Variants in PEAK1 observed in about 807,000 individuals in gnomAD.
The protein encoded by PEAK1 is pseudopodium enriched atypical kinase 1.
PEAK1 carries 54 observed loss-of-function variants against 124.7 expected under a neutral mutation model. That is an observed-to-expected ratio of 0.43 (90% CI 0.35 to 0.54). The LOEUF (loss-of-function observed/expected upper bound fraction) is 0.54, where lower values mean the gene tolerates loss of function less well. Ranked by LOEUF, PEAK1 falls within the 20% of genes least tolerant of loss-of-function variation. The pLI, the probability that PEAK1 is intolerant of heterozygous loss-of-function variation, is 0.01. For missense variants in PEAK1, 2,046 were observed against 2,134.5 expected, an observed-to-expected ratio of 0.96 and a Z score of 0.82; for synonymous variants, 719 against 760.0, an observed-to-expected ratio of 0.95 and a Z score of 0.89.
At chr15:77,172,781 C>A (rs1287446361) in intron 7 of PEAK1, among the ~76,000 whole-genome samples, 1 of 152,130 alleles carries the variant, frequency 6.6e-6, no homozygotes, top group Non-Finnish European at 1.5e-5. Flanking sequence ...CTTACAGGGT[C>A]TCACCCTGTC....
At chr15:77,123,553 T>TA (rs775364580) in intron 9 of PEAK1, among the ~76,000 whole-genome samples, 7 of 152,168 alleles carry the variant, frequency 4.6e-5, no homozygotes, top group African/African-American at 7.2e-5. Flanking sequence ...TCTCTGGCCT[T>TA]AGTTTCCCAC....
At position 77,179,971 on chromosome 15, in the gene PEAK1, T is replaced by C. The variant is rs2057143699; in HGVS notation, c.1956A>G (p.Ser652=). ...TTACACTTGTGGTTTTTTCCTTCACTGAGAGTTCTCCACTTGTTCCCAGAA... is the reference window on the plus strand; with the variant it reads ...TTACACTTGTGGTTTTTTCCTTCACCGAGAGTTCTCCACTTGTTCCCAGAA... The part of the protein sequence containing the change: ...KSFLGTSGEL[S]VKEKTTSVIS... The change falls in exon 7 of 10, where the codon TCA becomes TCG. Residue 652 remains serine (S), a synonymous_variant. Transcript: ENST00000682557. The C allele has an allele frequency of 1.2e-6, 2 of 1,613,998 alleles. No homozygotes were observed. Among genetic ancestry groups the C allele is most frequent in the Non-Finnish European group, 1.7e-6 (2 of 1,179,964 alleles).
intron 6 of PEAK1, among the ~76,000 whole-genome samples, chr15:77,249,873 C>T (rs1319290798): frequency 6.6e-6 from 1 of 151,920 alleles, no homozygotes; most frequent in Non-Finnish European, 1.5e-5. Flanking sequence ...AACAGAGAGA[C>T]AGGGAAATCT....
chr15:77,181,537 A>G lies in PEAK1; in HGVS notation c.390T>C (p.Pro130=), dbSNP rs778071312. The change falls in exon 7 of 10, where the codon CCT becomes CCC. Residue 130 remains proline (P), a synonymous_variant. Transcript: ENST00000682557. The stretch of plus-strand genomic sequence containing the variant: ...CACTATCATTATTGCCATAAGGCTT[A>G]GGAACATGGCTAATTCCTTCATCAT... The part of the protein sequence containing the change: ...NEDDEGISHV[P]KPYGNNDSAK... 7 of 1,614,124 alleles carry G rather than the reference A, an allele frequency of 4.3e-6. No individual in the cohort carries two copies. Among genetic ancestry groups the G allele is most frequent in the Admixed American group, 1.7e-5 (1 of 60,022 alleles).
chr15:77,180,404 G>T lies in PEAK1; in HGVS notation c.1523C>A (p.Pro508Gln). Residue 508 changes from proline (P) to glutamine (Q), a missense_variant, in exon 7 of 10, where the codon CCA becomes CAA. Physicochemically the swap from Pro to Gln is moderately conservative, Grantham distance 76. Coordinates refer to ENST00000682557, the MANE Select transcript of PEAK1 (RefSeq NM_001385026.1). Reference protein sequence around the residue: ...TKSSSSTPNSPVTSSSLTPGQ... With the variant: ...TKSSSSTPNSQVTSSSLTPGQ... ...TGGTGTCAATGAAGATGATGTAACT[G>T]GAGAGTTTGGAGTAGAGGATGAGCT... is the stretch of plus-strand genomic sequence containing the variant. 1 of 1,614,138 alleles carries T rather than the reference G, an allele frequency of 6.2e-7. No homozygotes were observed. The highest frequency in any genetic ancestry group is 2.2e-5 in the East Asian group (1 of 44,882).
At chr15:77,135,936 T>C (rs2053282148) in intron 8 of PEAK1, among the ~76,000 whole-genome samples, 1 of 152,080 alleles carries the variant, frequency 6.6e-6, no homozygotes, top group South Asian at 2.1e-4. Context: ...TTGGTACCAG[T>C]AGAGTGGGGT....
chr15:77,415,721 A>G (rs1222172915), intron 1 of PEAK1, among the ~76,000 whole-genome samples: 1 of 152,220 alleles, frequency 6.6e-6, no homozygotes, highest in Non-Finnish European at 1.5e-5. Flanking sequence ...GCTCACTGGA[A>G]AAGTGAGACT....
intron 8 of PEAK1, among the ~76,000 whole-genome samples, chr15:77,141,130 A>T (rs765668217): frequency 5.3e-5 from 8 of 152,230 alleles, no homozygotes; most frequent in Admixed American, 3.9e-4. Context: ...ATAATCGTGT[A>T]TATTGAGAAG....
At chr15:77,249,556 C>T (rs1368565364) in intron 6 of PEAK1, among the ~76,000 whole-genome samples, 1 of 152,154 alleles carries the variant, frequency 6.6e-6, no homozygotes, top group Non-Finnish European at 1.5e-5. Flanking sequence ...TGGACACAAC[C>T]AGCTTGGATG....
chr15:77,136,362 A>C (rs2053325673), intron 8 of PEAK1, among the ~76,000 whole-genome samples: 1 of 152,168 alleles, frequency 6.6e-6, no homozygotes, highest in East Asian at 1.9e-4. Flanking sequence ...AGGGAAGCAG[A>C]GCATAAAAGT....
chr15:77,236,970 T>C (rs563964479), intron 6 of PEAK1, among the ~76,000 whole-genome samples: 1 of 152,320 alleles, frequency 6.6e-6, no homozygotes, highest in East Asian at 1.9e-4. Flanking sequence ...GTTAAGTTTC[T>C]TGAGGTCTTC....
chr15:77,208,687 C>T (rs1361611387), intron 6 of PEAK1, among the ~76,000 whole-genome samples: 1 of 152,022 alleles, frequency 6.6e-6, no homozygotes, highest in East Asian at 1.9e-4. Context: ...ACAAAAAAAC[C>T]AATCTTCTAT....
At chr15:77,173,035 T>C (rs1278316861) in intron 7 of PEAK1, among the ~76,000 whole-genome samples, 1 of 152,184 alleles carries the variant, frequency 6.6e-6, no homozygotes. Context: ...ATTACAGGCA[T>C]GAGCCACTGT....
intron 2 of PEAK1, chr15:77,355,862 A>T: frequency 1.0e-6 from 1 of 985,334 alleles, no homozygotes; most frequent in Non-Finnish European, 1.2e-6. Flanking sequence ...GCCCTGGAAA[A>T]GTTACAGCCC....
At chr15:77,316,699 ATAC>A (rs1255944998) in intron 2 of PEAK1, among the ~76,000 whole-genome samples, 2 of 152,238 alleles carry the variant, frequency 1.3e-5, no homozygotes, top group East Asian at 3.8e-4. Context: ...AAATGAATGA[ATAC>A]TACATGTACA....
Position 77,179,364 on chromosome 15 carries a change from G to A in PEAK1, c.2563C>T (p.Pro855Ser), listed in dbSNP as rs1368044170. The change falls in exon 7 of 10, where the codon CCC becomes TCC. Residue 855 changes from proline (P) to serine (S), a missense_variant. Transcript: ENST00000682557. ...TGGGGGCTAGTCACTAATTTGGAGG[G>A]AGAGGGGGTGACTGGCTTTATGGAT... ...DPSIKPVTPS[P>S]SKLVTSPQSE... 2 of 1,613,986 alleles carry A rather than the reference G, an allele frequency of 1.2e-6. No homozygotes were observed. The highest frequency in any genetic ancestry group is 2.7e-5 in the African/African-American group (2 of 74,900).
At position 77,300,022 on chromosome 15, in the gene PEAK1, G is replaced by A. The variant is rs117926419; in HGVS notation, c.-602-13518C>T. Among the ~76,000 whole-genome samples, 1,001 of 152,226 alleles carry A rather than the reference G, an allele frequency of 6.6e-3. 6 individuals are homozygous for A. The highest frequency in any genetic ancestry group is 0.011 in the Non-Finnish European group (729 of 68,022). On this transcript the variant is annotated intron_variant, in intron 2 of 9. Transcript: ENST00000682557. The stretch of plus-strand genomic sequence containing the variant: ...TAGATATAATCCCCTCATTCTTCGA[G>A]CTCTACTTTACTTTCTGGTACAGGG...
intron 6 of PEAK1, among the ~76,000 whole-genome samples, 156 bp downstream of exon 6, chr15:77,252,211 A>G (rs2060913863): frequency 6.6e-6 from 1 of 152,244 alleles, no homozygotes; most frequent in South Asian, 2.1e-4. Context: ...AGCAAACATT[A>G]AGGACCAAAG....
In PEAK1 at chr15:77,373,825, T is replaced by G. The variant is rs117435298; in HGVS notation, c.-665-8600A>C. Among the ~76,000 whole-genome samples the G allele has an allele frequency of 1.4e-3, 220 of 152,300 alleles. 1 individual carries two copies. The highest frequency in any genetic ancestry group is 4.1e-3 in the Admixed American group (62 of 15,284). ...TTTGGCAAAATAATAAATGAAGACATACCAGGTCTATCAATGGCCCAGGGT... is the reference window on the plus strand; with the variant it reads ...TTTGGCAAAATAATAAATGAAGACAGACCAGGTCTATCAATGGCCCAGGGT... On this transcript the variant is annotated intron_variant, in intron 1 of 9. Coordinates refer to ENST00000682557, the MANE Select transcript of PEAK1 (RefSeq NM_001385026.1).
Sources: allele counts gnomAD v4.1 joint callset (sites outside exome capture counted in the v4.1 genomes callset), GRCh38; gene constraint gnomAD v4.1.1; transcripts MANE v1.5; gene names NCBI Gene and HGNC (gene_info 2026-07-23, HGNC 2026-07-21).